Variants in AGAP1 observed in about 807,000 individuals in gnomAD.
AGAP1 encodes the protein ArfGAP with GTPase domain, ankyrin repeat and PH domain 1, also known as arf-GAP with GTPase, ANK repeat and PH domain-containing protein 1.
Under a neutral mutation model 105.3 loss-of-function variants are expected in AGAP1, and 29 were observed. That is an observed-to-expected ratio of 0.28 (90% CI 0.21 to 0.38). The LOEUF is 0.38. AGAP1 is among the 10% of genes least tolerant of loss of function. The pLI is 1.00. For synonymous variants in AGAP1, 509 were observed against 485.9 expected (o/e 1.05, Z -0.63); for missense variants, 998 against 1,165.1 (o/e 0.86, Z 2.09).
At chr2:235,688,214 G>A (rs555817849) in intron 1 of AGAP1, among the ~76,000 whole-genome samples, 7 of 152,192 alleles carry the variant, frequency 4.6e-5, no homozygotes, top group Non-Finnish European at 4.4e-5. Flanking sequence ...CCTTGCCCTC[G>A]GATCTTGAAC....
intron 1 of AGAP1, among the ~76,000 whole-genome samples, chr2:235,591,052 G>T (rs962671540): frequency 6.6e-6 from 1 of 151,858 alleles, no homozygotes; most frequent in Non-Finnish European, 1.5e-5. Flanking sequence ...GTCTCGCTCT[G>T]TTGCCCAGGC....
chr2:235,837,623 A>G (rs1960321169), intron 9 of AGAP1, among the ~76,000 whole-genome samples: 1 of 152,178 alleles, frequency 6.6e-6, no homozygotes, highest in Non-Finnish European at 1.5e-5. Flanking sequence ...TAATAAGATG[A>G]TGGAGTCTAC....
Position 235,612,847 on chromosome 2 carries a change from G to A in AGAP1, c.164-96332G>A, listed in dbSNP as rs951786567. On this transcript the variant is annotated intron_variant, in intron 1 of 17. Coordinates refer to ENST00000304032, the MANE Select transcript of AGAP1 (RefSeq NM_001037131.3). The surrounding 1 kb of genome is among the most constrained non-coding windows in gnomAD (Gnocchi z 4.3). ...GAATGACCCCACGTCTCTGGATTCT[G>A]GCTTCTGCTTCCAGTGAGACTCCGC... Among the ~76,000 whole-genome samples the A allele has an allele frequency of 2.0e-4, 31 of 152,120 alleles. No homozygotes were observed. Among genetic ancestry groups the A allele is most frequent in the African/African-American group, 6.3e-4 (26 of 41,438 alleles).
rs546323419 is a variant in AGAP1 at position 235,494,986 on chromosome 2, G to C, written c.163+137G>C. The C allele has an allele frequency of 3.7e-6, 3 of 809,876 alleles. No homozygotes were observed. The Admixed American group carries it at 1.3e-4, about 36-fold the overall frequency. The allele number at this position is 809,876 out of a possible 1,614,324, so 50.2% of individuals were successfully genotyped here. A position where few individuals can be genotyped will look rare whatever the true frequency, so the allele number is the denominator to read the frequency against. ...TGCTCCGCCGAGGGAGCACTGCGGC[G>C]CTGCTTGTCTTGCAAGGCCGGGCGA... On this transcript the variant is annotated intron_variant, in intron 1 of 17. Coordinates refer to ENST00000304032, the MANE Select transcript of AGAP1 (RefSeq NM_001037131.3).
intron 6 of AGAP1, among the ~76,000 whole-genome samples, chr2:235,796,566 T>G (rs1957253577): frequency 6.6e-6 from 1 of 152,222 alleles, no homozygotes; most frequent in Non-Finnish European, 1.5e-5. Context: ...GAGCCATTTT[T>G]TATATATTGC....
rs576907435 is a variant in AGAP1, at chr2:236,000,504, G to T, written c.1645+31881G>T. ...TCCAGTCCAGTCCCCCACCCTGAGC[G>T]TTGATGGTGGGGTGTGCATCCCCCA... On this transcript the variant is annotated intron_variant, in intron 13 of 17. Transcript: ENST00000304032. This position sits in a 1 kb window ranked among gnomAD's most constrained non-coding sequence, Gnocchi z 4.3. 6.6e-6 allele frequency among the ~76,000 whole-genome samples: 1 copy of T among 152,128 alleles called. No homozygotes were observed. The highest frequency in any genetic ancestry group is 1.5e-5 in the Non-Finnish European group (1 of 68,022).
At chr2:235,937,726 G>T (rs545011317) in intron 12 of AGAP1, among the ~76,000 whole-genome samples, 11 of 152,288 alleles carry the variant, frequency 7.2e-5, no homozygotes, top group African/African-American at 2.2e-4. Context: ...GGGACAGTTC[G>T]TGATGTCCGG....
Position 235,992,639 on chromosome 2 carries a change from A to G in AGAP1, c.1645+24016A>G, listed in dbSNP as rs1049129552. Among the ~76,000 whole-genome samples, 2 of 152,342 alleles carry G rather than the reference A, an allele frequency of 1.3e-5. No individual in the cohort carries two copies. The highest frequency in any genetic ancestry group is 2.4e-5 in the African/African-American group (1 of 41,576). On this transcript the variant is annotated intron_variant, in intron 13 of 17. Transcript: ENST00000304032. This position sits in a 1 kb window ranked among gnomAD's most constrained non-coding sequence, Gnocchi z 4.8. ...TTATGCTTTTTAAATGTTGAAGGCA[A>G]TACTCATCAGAGTATGCATTAAGTA... is the stretch of plus-strand genomic sequence containing the variant.
intron 9 of AGAP1, among the ~76,000 whole-genome samples, chr2:235,837,243 C>T (rs1363685872): frequency 6.6e-6 from 1 of 152,194 alleles, no homozygotes; most frequent in Non-Finnish European, 1.5e-5. Context: ...CCTCGGCCTC[C>T]CAAAGTGCTG....
rs1473291764 is a variant in AGAP1, at chr2:235,792,654, C to G, written c.674-5105C>G. 6.6e-6 allele frequency among the ~76,000 whole-genome samples: 1 copy of G among 152,194 alleles called. No homozygotes were observed. Among genetic ancestry groups the G allele is most frequent in the Non-Finnish European group, 1.5e-5 (1 of 68,038 alleles). On this transcript the variant is annotated intron_variant, in intron 6 of 17. Transcript: ENST00000304032. This position sits in a 1 kb window ranked among gnomAD's most constrained non-coding sequence, Gnocchi z 5.3. ...AAACTCTGGTGGTTGAACCAATCAT[C>G]TGTTAGGTCTGTTCTGTCCATGGTG...
intron 11 of AGAP1, among the ~76,000 whole-genome samples, chr2:235,923,947 G>C (rs1488700390): frequency 2.6e-5 from 4 of 152,188 alleles, no homozygotes; most frequent in African/African-American, 9.7e-5. Flanking sequence ...AATTAGAAGA[G>C]TGGTGTAGGT....
chr2:235,697,526 G>T (rs1357833217), intron 1 of AGAP1, among the ~76,000 whole-genome samples: 2 of 152,190 alleles, frequency 1.3e-5, no homozygotes, highest in Non-Finnish European at 2.9e-5. Context: ...CCCTGTGCCT[G>T]GGAGGGGTGA....
rs1449774039 is a variant in AGAP1, at chr2:236,124,449, C to T, written c.*327C>T. On this transcript the variant is annotated 3_prime_UTR_variant, in exon 18 of 18. Transcript: ENST00000304032. This position sits in a 1 kb window ranked among gnomAD's most constrained non-coding sequence, Gnocchi z 5.1. ...CCTGGTGGCACAAGGGATGGGGACG[C>T]GAGGGGGAGGGGAGGCGAGGAACAA... 29 of 339,622 alleles carry T rather than the reference C, an allele frequency of 8.5e-5. No homozygotes were observed. The highest frequency in any genetic ancestry group is 1.9e-4 in the African/African-American group (9 of 47,532). 21.0% of individuals were successfully genotyped at this position (339,622 alleles called of 1,614,324 possible).
intron 1 of AGAP1, among the ~76,000 whole-genome samples, chr2:235,674,422 C>T (rs1290494471): frequency 6.6e-6 from 1 of 152,206 alleles, no homozygotes; most frequent in Non-Finnish European, 1.5e-5. Context: ...CCAGTGGATG[C>T]CGTCTGGGCC....
At chr2:236,016,381 C>CTTTTTT (rs151088125) in intron 13 of AGAP1, among the ~76,000 whole-genome samples, 16 of 114,660 alleles carry the variant, frequency 1.4e-4, no homozygotes, top group Middle Eastern at 4.8e-3. Context: ...GTTGGGTTTG[C>CTTTTTT]TTTTTTTTTT....
intron 16 of AGAP1, among the ~76,000 whole-genome samples, chr2:236,102,585 TAAAAAA>T (rs372649210): frequency 5.9e-5 from 8 of 134,560 alleles, no homozygotes; most frequent in African/African-American, 2.1e-4. Context: ...GAGAGACTGT[TAAAAAA>T]AAAAAAAAAA....
chr2:235,543,309 C>A (rs1023618061), intron 1 of AGAP1, among the ~76,000 whole-genome samples: 1 of 152,180 alleles, frequency 6.6e-6, no homozygotes, highest in Non-Finnish European at 1.5e-5. Flanking sequence ...AATGCCTAGT[C>A]GGAAGGTACC....
chr2:235,497,628 G>A (rs191399928), intron 1 of AGAP1, among the ~76,000 whole-genome samples: 2 of 152,186 alleles, frequency 1.3e-5, no homozygotes, highest in South Asian at 2.1e-4. Flanking sequence ...ACGGAGTCTC[G>A]CTCTGTCGCC....
rs1221289601 is a variant in AGAP1 at position 235,566,278 on chromosome 2, A to T, written c.163+71429A>T. ...GGCTAATTTTGTATTTTTAGTACAG[A>T]CGGAGTTTCTCCATGTTTGTCAGGC... On this transcript the variant is annotated intron_variant, in intron 1 of 17. Transcript: ENST00000304032. This position sits in a 1 kb window ranked among gnomAD's most constrained non-coding sequence, Gnocchi z 5.2. Among the ~76,000 whole-genome samples the T allele has an allele frequency of 1.3e-5, 2 of 152,084 alleles. No homozygotes were observed. The highest frequency in any genetic ancestry group is 2.9e-5 in the Non-Finnish European group (2 of 68,022).
Sources: gnomAD v4.1 joint callset for allele counts (sites outside exome capture counted in the v4.1 genomes callset) on GRCh38, gnomAD v4.1.1 for gene constraint, Gnocchi (gnomAD v3.1) non-coding constraint, MANE v1.5 for transcripts, NCBI Gene and HGNC (gene_info 2026-07-23, HGNC 2026-07-21) for gene names.